RNF212B: variants seen among roughly 807,000 people sequenced by gnomAD.
RNF212B encodes ring finger protein 212B.
A neutral mutation model predicts 55.5 loss-of-function variants in RNF212B; 52 were observed. The observed-to-expected ratio is 0.94, with a 90% CI of 0.75 to 1.18. The LOEUF (loss-of-function observed/expected upper bound fraction) is 1.18. RNF212B is among the 50% of genes most tolerant of loss of function. The pLI is 0.00. For missense variants in RNF212B, 289 were observed against 350.4 expected, an observed-to-expected ratio of 0.82 and a Z score of 1.40; for synonymous variants, 99 against 121.4, an observed-to-expected ratio of 0.82 and a Z score of 1.21.
chr14:23,272,908 G>C lies in RNF212B; in HGVS notation c.*17G>C. 6.9e-7 allele frequency: 1 copy of C among 1,449,968 alleles called. No homozygotes were observed. The allele number at this position is 1,449,968 out of a possible 1,614,324, so 89.8% of individuals were successfully genotyped here. A position where few individuals can be genotyped will look rare whatever the true frequency, so the allele number is the denominator to read the frequency against. Reference sequence around the variant, plus strand: ...TCTAGATAGATCATCTTCAAGATCTGATCTATACATGCTGCTGAAGGATGG... The same window carrying C: ...TCTAGATAGATCATCTTCAAGATCTCATCTATACATGCTGCTGAAGGATGG... On this transcript the variant is annotated 3_prime_UTR_variant, in exon 15 of 15. Transcript: ENST00000430154.
intron 1 of RNF212B, among the ~76,000 whole-genome samples, chr14:23,188,979 C>A (rs186883510): frequency 2.2e-4 from 33 of 152,206 alleles, no homozygotes; most frequent in African/African-American, 7.0e-4. Flanking sequence ...CTAATTGTAG[C>A]AAGATGTAGC....
chr14:23,211,786 A>C (rs964606435), intron 2 of RNF212B, among the ~76,000 whole-genome samples: 2 of 152,194 alleles, frequency 1.3e-5, no homozygotes, highest in Non-Finnish European at 2.9e-5. Flanking sequence ...GCAGTGGTGC[A>C]AACTTGGCTC....
At chr14:23,216,879 C>CAAAAAAAA (rs59923716) in intron 2 of RNF212B, among the ~76,000 whole-genome samples, 8 of 48,766 alleles carry the variant, frequency 1.6e-4, no homozygotes, top group South Asian at 1.3e-3. Context: ...GACCCTGTCT[C>CAAAAAAAA]AAAAAAAAAA....
chr14:23,238,873 T>G (rs1883348185), intron 1 of RNF212B, among the ~76,000 whole-genome samples: 1 of 152,050 alleles, frequency 6.6e-6, no homozygotes, highest in African/African-American at 2.4e-5. Context: ...GCTATATGAT[T>G]ACCATGTCTA....
intron 2 of RNF212B, among the ~76,000 whole-genome samples, chr14:23,231,645 CGGTCTCCCTCTCCCTCTCTTTCCAT>C (rs1882621476): frequency 6.6e-6 from 1 of 151,956 alleles, no homozygotes; most frequent in African/African-American, 2.4e-5. Flanking sequence ...CCTCTCCCCA[CGGTCTCCCTCTCCCTCTCTTTCCAT>C]GGTCTCCCTC....
chr14:23,216,115 G>A (rs1006577469), intron 2 of RNF212B, among the ~76,000 whole-genome samples: 3 of 152,168 alleles, frequency 2.0e-5, no homozygotes, highest in Non-Finnish European at 4.4e-5. Context: ...GTGTGGTGGC[G>A]GGTGCCTGTA....
intron 11 of RNF212B, among the ~76,000 whole-genome samples, chr14:23,267,395 A>G (rs941099957): frequency 2.7e-5 from 4 of 150,312 alleles, no homozygotes; most frequent in African/African-American, 9.8e-5. Context: ...TGATAAATGG[A>G]CCCCTTTATC....
chr14:23,272,715 A>C (rs1886198227), intron 14 of RNF212B, 108 bp from the exon 15 acceptor site: 8 of 735,988 alleles, frequency 1.1e-5, no homozygotes, highest in Non-Finnish European at 1.9e-5. Flanking sequence ...GGGGAAGCAA[A>C]AGCAGTGGTG....
At chr14:23,250,482 CAAA>C (rs34825470) in intron 4 of RNF212B, among the ~76,000 whole-genome samples, 2 of 116,726 alleles carry the variant, frequency 1.7e-5, no homozygotes, top group African/African-American at 3.1e-5. Flanking sequence ...GACTCTGTCT[CAAA>C]AAAAAAAAAA....
intron 2 of RNF212B, among the ~76,000 whole-genome samples, chr14:23,206,694 C>T (rs78768452): frequency 6.6e-6 from 1 of 151,994 alleles, no homozygotes; most frequent in African/African-American, 2.4e-5. Context: ...AAATTTACAT[C>T]ATAAGGTAGA....
intron 2 of RNF212B, among the ~76,000 whole-genome samples, chr14:23,212,774 G>T (rs925613695): frequency 1.3e-5 from 2 of 151,750 alleles, no homozygotes; most frequent in African/African-American, 2.4e-5. Context: ...CCAAAGTGCT[G>T]GGATTACAGG....
At chr14:23,201,838 A>G (rs1008224066) in intron 2 of RNF212B, among the ~76,000 whole-genome samples, 7 of 152,254 alleles carry the variant, frequency 4.6e-5, no homozygotes, top group Non-Finnish European at 8.8e-5. Flanking sequence ...AAGCCCTAAT[A>G]AAAACAGCAT....
Position 23,242,048 on chromosome 14 carries a change from C to T in RNF212B, c.101-1208C>T, listed in dbSNP as rs1465329437. Among the ~76,000 whole-genome samples, 8 of 130,712 alleles carry T rather than the reference C, an allele frequency of 6.1e-5. No individual in the cohort carries two copies. The Admixed American group carries it at 6.1e-4, about 10-fold the overall frequency. 85.8% of individuals were successfully genotyped at this position (130,712 alleles called of 152,430 possible). ...AGTGAGCCAAGATCGTGCCACTGCA[C>T]TCCAGCCTGGGCGACAGAGCAAGAC... On this transcript the variant is annotated intron_variant, in intron 2 of 14. Transcript: ENST00000430154.
intron 14 of RNF212B, 103 bp from the exon 15 acceptor site, chr14:23,272,720 G>A: frequency 1.3e-6 from 1 of 748,216 alleles, no homozygotes; most frequent in Non-Finnish European, 2.3e-6. Flanking sequence ...AGCAAAAGCA[G>A]TGGTGTCTGT....
At chr14:23,234,718 A>G (rs913769909), upstream of RNF212B, among the ~76,000 whole-genome samples, 2 of 152,376 alleles carry the variant, frequency 1.3e-5, no homozygotes, top group Admixed American at 6.5e-5. Flanking sequence ...TTAATATTGG[A>G]TGGGGCTAAC....
intron 2 of RNF212B, among the ~76,000 whole-genome samples, chr14:23,193,988 C>A (rs183660886): frequency 6.6e-6 from 1 of 152,166 alleles, no homozygotes; most frequent in Non-Finnish European, 1.5e-5. Flanking sequence ...ATTACAGGAG[C>A]CTGCCGCTAC....
In RNF212B at chr14:23,262,679, G is replaced by A. The variant is rs1398107335; in HGVS notation, c.449G>A (p.Arg150Gln). The change falls in exon 8 of 15, where the codon CGA (arginine) becomes CAA (glutamine). Residue 150 changes from arginine to glutamine, a missense_variant. By Grantham distance (43) the Arg-to-Gln change is conservative. Transcript: ENST00000430154. ...TTCCCTTGCAGGTCAATCACACCTC[G>A]ACCAGTGGGCATTACTTCCCCATCA... ...RYQGSRSITP[R>Q]PVGITSPSQS... 5.0e-5 allele frequency: 78 copies of A among 1,549,948 alleles called. No homozygotes were observed. The highest frequency in any genetic ancestry group is 6.3e-5 in the Non-Finnish European group (72 of 1,146,900).
chr14:23,252,532 A>G (rs1884493560), intron 4 of RNF212B, among the ~76,000 whole-genome samples: 2 of 152,352 alleles, frequency 1.3e-5, no homozygotes, highest in South Asian at 4.1e-4. Flanking sequence ...CAGCAGAGAA[A>G]GGGGTTTAAT....
chr14:23,243,289 A>G lies in RNF212B; in HGVS notation c.134A>G (p.His45Arg). 1 of 1,550,412 alleles carries G rather than the reference A, an allele frequency of 6.4e-7. No individual in the cohort carries two copies. Among genetic ancestry groups the G allele is most frequent in the South Asian group, 1.2e-5 (1 of 84,020 alleles). The change falls in exon 3 of 15, where the codon CAT (histidine) becomes CGT (arginine). Residue 45 changes from histidine to arginine, a missense_variant. Transcript: ENST00000430154. ...KCAVCGTACKHLALSDNLKPQ... is the reference protein window; with the variant it reads ...KCAVCGTACKRLALSDNLKPQ... ...GCTGTTTGTGGAACTGCCTGCAAGC[A>G]TCTGGCTCTTTCTGATAATGTAAGT...
Sources: gnomAD v4.1 joint callset for allele counts (sites outside exome capture counted in the v4.1 genomes callset) on GRCh38, gnomAD v4.1.1 for gene constraint, MANE v1.5 for transcripts, NCBI Gene and HGNC (gene_info 2026-07-23, HGNC 2026-07-21) for gene names.